The following SCML4 variants were observed in gnomAD, a reference collection of about 807,000 sequenced individuals.
SCML4 encodes sex comb on midleg-like protein 4.
In SCML4, 34 loss-of-function variants were observed where a neutral mutation model predicts 41.1. That is an observed-to-expected ratio of 0.83 (90% CI 0.63 to 1.10). The LOEUF is 1.10. Ranked by LOEUF, SCML4 falls within the 50% of genes least tolerant of loss-of-function variation. SCML4 has a pLI of 0.00. For synonymous variants in SCML4, 214 were observed against 220.9 expected (o/e 0.97, Z 0.28); for missense variants, 522 against 534.1 (o/e 0.98, Z 0.22).
intron 1 of SCML4, among the ~76,000 whole-genome samples, chr6:107,801,225 A>G (rs989821581): frequency 6.6e-6 from 1 of 152,076 alleles, no homozygotes; most frequent in African/African-American, 2.4e-5. Flanking sequence ...TTCTCTGTCT[A>G]TGGTAAGCCC....
At chr6:107,746,983 C>CAAAGGGGCATGG in intron 3 of SCML4, 94 bp from the exon 4 acceptor site, 1 of 1,055,124 alleles carries the variant, frequency 9.5e-7, no homozygotes, top group Non-Finnish European at 1.4e-6. Flanking sequence ...CAGCCATGCC[C>CAAAGGGGCATGG]CTTTGGCCCT....
chr6:107,829,561 G>T, the SCML4 span, among the ~76,000 whole-genome samples: 1 of 152,008 alleles, frequency 6.6e-6, no homozygotes. Flanking sequence ...GACACAGGGG[G>T]AACATCACAC....
the SCML4 span, among the ~76,000 whole-genome samples, chr6:107,844,246 T>C: frequency 6.6e-6 from 1 of 152,176 alleles, no homozygotes; most frequent in Non-Finnish European, 1.5e-5. Flanking sequence ...ATGGGATATT[T>C]GTTGTGGAGG....
intron 2 of SCML4, among the ~76,000 whole-genome samples, chr6:107,770,975 G>A (rs1489179133): frequency 6.6e-6 from 1 of 152,100 alleles, no homozygotes; most frequent in Non-Finnish European, 1.5e-5. Context: ...CTGGCCCTAC[G>A]CCAGCTTAAG....
chr6:107,711,713 G>A (rs1162347472), intron 6 of SCML4, among the ~76,000 whole-genome samples: 1 of 152,072 alleles, frequency 6.6e-6, no homozygotes, highest in Non-Finnish European at 1.5e-5. Flanking sequence ...TCTATTTTAA[G>A]GCTAGAAAAA....
intron 2 of SCML4, among the ~76,000 whole-genome samples, chr6:107,758,596 G>A (rs757800695): frequency 3.9e-5 from 6 of 152,150 alleles, no homozygotes; most frequent in Non-Finnish European, 8.8e-5. Context: ...CCCAATGACT[G>A]GTGTGCTTAT....
the SCML4 span, among the ~76,000 whole-genome samples, chr6:107,835,914 G>A: frequency 2.6e-5 from 4 of 152,230 alleles, no homozygotes; most frequent in South Asian, 8.3e-4. Flanking sequence ...GGCAGGTCAG[G>A]ACCTACTAAG....
intron 1 of SCML4, among the ~76,000 whole-genome samples, chr6:107,794,680 C>T (rs114106151): frequency 0.014 from 2,136 of 152,166 alleles, 47 homozygotes; most frequent in African/African-American, 0.048. Context: ...ATACTTACTT[C>T]GATAACCTAG....
intron 2 of SCML4, among the ~76,000 whole-genome samples, chr6:107,752,219 T>C (rs1012945701): frequency 6.6e-6 from 1 of 152,018 alleles, no homozygotes; most frequent in African/African-American, 2.4e-5. Flanking sequence ...TTGTTGTTTA[T>C]TTTGAAGGGA....
chr6:107,816,517 C>T lies in SCML4; in HGVS notation c.-60+7609G>A, dbSNP rs112325927. 2.3e-3 allele frequency among the ~76,000 whole-genome samples: 347 copies of T among 152,286 alleles called. 1 individual carries two copies. Among genetic ancestry groups the T allele is most frequent in the African/African-American group, 7.8e-3 (326 of 41,542 alleles). ...TTCCATTTAGATGGATTCTGTGCAG[C>T]TCTGAAGACACAAGTAGGCTCTCAG... is the stretch of plus-strand genomic sequence containing the variant. On this transcript the variant is annotated intron_variant, in intron 1 of 7. Coordinates refer to ENST00000369020, the MANE Select transcript of SCML4 (RefSeq NM_198081.5).
intron 7 of SCML4, 90 bp from the exon 8 acceptor site, chr6:107,705,415 T>G: frequency 2.5e-6 from 3 of 1,222,446 alleles, no homozygotes; most frequent in Non-Finnish European, 3.5e-6. Flanking sequence ...TCAAGGGGTG[T>G]GCTCAGGGCA....
intron 1 of SCML4, among the ~76,000 whole-genome samples, chr6:107,821,998 G>T (rs1326536414): frequency 1.3e-5 from 2 of 152,162 alleles, no homozygotes; most frequent in Non-Finnish European, 2.9e-5. Context: ...TCCTCTCCGA[G>T]CATTCCTTGT....
At chr6:107,762,470 A>T (rs1319741199) in intron 2 of SCML4, among the ~76,000 whole-genome samples, 1 of 152,242 alleles carries the variant, frequency 6.6e-6, no homozygotes, top group Non-Finnish European at 1.5e-5. Context: ...CCTCAAACAC[A>T]TATTGAAATC....
intron 1 of SCML4, among the ~76,000 whole-genome samples, chr6:107,793,688 C>G (rs896698403): frequency 5.9e-5 from 9 of 152,250 alleles, no homozygotes; most frequent in African/African-American, 2.2e-4. Flanking sequence ...TGGCTCACGC[C>G]TGTAATCCCA....
intron 4 of SCML4, 131 bp from the exon 5 acceptor site, chr6:107,745,274 T>A: frequency 1.5e-6 from 1 of 669,902 alleles, no homozygotes; most frequent in Non-Finnish European, 2.5e-6. Context: ...GGATTTCACC[T>A]GTTTGTTCAC....
chr6:107,711,504 ATC>A (rs1774213882), intron 6 of SCML4, among the ~76,000 whole-genome samples: 1 of 152,252 alleles, frequency 6.6e-6, no homozygotes, highest in Non-Finnish European at 1.5e-5. Context: ...AGACTATACC[ATC>A]TAGGTTTGTG....
intron 5 of SCML4, among the ~76,000 whole-genome samples, chr6:107,738,627 A>G (rs1332435978): frequency 2.6e-5 from 4 of 152,098 alleles, no homozygotes; most frequent in African/African-American, 9.7e-5. Context: ...TCTTGAAAAA[A>G]AAAGGATCGA....
chr6:107,808,136 G>A (rs1783878889), intron 1 of SCML4, among the ~76,000 whole-genome samples: 1 of 152,234 alleles, frequency 6.6e-6, no homozygotes, highest in East Asian at 1.9e-4. Flanking sequence ...CAGGGGATGG[G>A]ATGTATTTTC....
At chr6:107,733,645 G>A (rs567701084) in intron 5 of SCML4, among the ~76,000 whole-genome samples, 1 of 152,314 alleles carries the variant, frequency 6.6e-6, no homozygotes, top group South Asian at 2.1e-4. Flanking sequence ...TGGTCCAGGG[G>A]AATAACCAGA....
Sources: gnomAD v4.1 joint callset for allele counts (sites outside exome capture counted in the v4.1 genomes callset) on GRCh38, gnomAD v4.1.1 for gene constraint, MANE v1.5 for transcripts, NCBI Gene and HGNC (gene_info 2026-07-23, HGNC 2026-07-21) for gene names.